Variants in ARHGAP35 observed in about 807,000 individuals in gnomAD.
ARHGAP35 encodes rho GTPase-activating protein 35.
ARHGAP35 carries 15 observed loss-of-function variants against 111.1 expected under a neutral mutation model. The observed-to-expected ratio is 0.13, with a 90% confidence interval of 0.09 to 0.21. The LOEUF is 0.21. Among genes scored for constraint, ARHGAP35 ranks in the 10% least tolerant of loss-of-function variants. The probability of loss-of-function intolerance (pLI) is 1.00; values close to 1 mark genes in which losing one functional copy is unlikely to be tolerated. For synonymous variants in ARHGAP35, 643 were observed against 710.3 expected (o/e 0.91, Z 1.51); for missense variants, 1,262 against 1,873.0 (o/e 0.67, Z 6.02).
intron 1 of ARHGAP35, among the ~76,000 whole-genome samples, chr19:46,916,568 A>G (rs1479517974): frequency 6.6e-6 from 1 of 152,206 alleles, no homozygotes; most frequent in Non-Finnish European, 1.5e-5. Context: ...CTGAGGACAC[A>G]GAATAGAACT....
At chr19:46,952,093 C>T (rs1440052781) in intron 3 of ARHGAP35, among the ~76,000 whole-genome samples, 1 of 152,052 alleles carries the variant, frequency 6.6e-6, no homozygotes, top group Non-Finnish European at 1.5e-5. Flanking sequence ...CACAAAGAAA[C>T]GATATATATT....
chr19:46,998,147 G>A (rs1276858810), intron 5 of ARHGAP35, among the ~76,000 whole-genome samples: 1 of 152,032 alleles, frequency 6.6e-6, no homozygotes, highest in Non-Finnish European at 1.5e-5. Context: ...GGTTCAGGGA[G>A]TCCGCACCCC....
chr19:46,989,739 G>T lies in ARHGAP35; in HGVS notation c.4036+64G>T. On this transcript the variant is annotated intron_variant, in intron 5 of 6. Coordinates refer to ENST00000672722, the MANE Select transcript of ARHGAP35 (RefSeq NM_004491.5). The surrounding 1 kb of genome is among the most constrained non-coding windows in gnomAD (Gnocchi z 5.3). The stretch of plus-strand genomic sequence containing the variant: ...GAAAGGGCTTGGCACTGGAAGAATA[G>T]GTCCTGCCCTCAGAATGGATGCTGG... 1 of 1,603,156 alleles carries T rather than the reference G, an allele frequency of 6.2e-7. No homozygotes were observed.
Position 46,919,708 on chromosome 19 carries a change from C to T in ARHGAP35, c.1033C>T (p.Pro345Ser). ...RRRKLYLAAL[P>S]LAFEALIPNL... ...GAGAAAGCTGTACCTGGCAGCCCTG[C>T]CATTAGCTTTTGAAGCTCTTATACC... The change falls in exon 2 of 7, where the codon CCA (proline) becomes TCA (serine). Residue 345 changes from proline (P) to serine (S), a missense_variant. Transcript: ENST00000672722. This position sits in a 1 kb window ranked among gnomAD's most constrained non-coding sequence, Gnocchi z 6.2. 6.2e-7 allele frequency: 1 copy of T among 1,613,968 alleles called. No homozygotes were observed. The highest frequency in any genetic ancestry group is 8.5e-7 in the Non-Finnish European group (1 of 1,179,888).
At position 47,000,237 on chromosome 19, in the gene ARHGAP35, A is replaced by G. The variant is rs958736963; in HGVS notation, c.4143-94A>G. 1 of 1,321,838 alleles carries G rather than the reference A, an allele frequency of 7.6e-7. No homozygotes were observed. The highest frequency in any genetic ancestry group is 1.0e-6 in the Non-Finnish European group (1 of 953,184). 81.9% of individuals were successfully genotyped at this position (1,321,838 alleles called of 1,614,324 possible). A position where few individuals can be genotyped will look rare whatever the true frequency, so the allele number is the denominator to read the frequency against. Reference sequence around the variant, plus strand: ...TTTTCTGCTCCACCTGAGGGAAGAAAGGTGGGCTCAGCCTGGGTGCTGAAG... The same window carrying G: ...TTTTCTGCTCCACCTGAGGGAAGAAGGGTGGGCTCAGCCTGGGTGCTGAAG... On this transcript the variant is annotated intron_variant, in intron 6 of 6. Transcript: ENST00000672722. The surrounding 1 kb of genome is among the most constrained non-coding windows in gnomAD (Gnocchi z 6.9).
intron 1 of ARHGAP35, among the ~76,000 whole-genome samples, chr19:46,875,953 T>A (rs779434353): frequency 6.6e-6 from 1 of 152,130 alleles, no homozygotes. Context: ...ATAGCAGTTG[T>A]CCACATTTGT....
chr19:46,881,841 T>C (rs1053361040), intron 1 of ARHGAP35, among the ~76,000 whole-genome samples: 7 of 152,178 alleles, frequency 4.6e-5, no homozygotes, highest in African/African-American at 1.2e-4. Context: ...CTGTTTTGTC[T>C]ATAGTAGCCA....
In ARHGAP35 at chr19:47,004,118, G is replaced by A. The variant is rs1389669827; in HGVS notation, c.*3430G>A. The A allele has an allele frequency of 6.6e-6, 1 of 151,666 alleles. No homozygotes were observed. The highest frequency in any genetic ancestry group is 1.5e-5 in the Non-Finnish European group (1 of 67,952). The allele number at this position is 151,666 out of a possible 1,614,324, so 9.4% of individuals were successfully genotyped here. A position where few individuals can be genotyped will look rare whatever the true frequency, so the allele number is the denominator to read the frequency against. On this transcript the variant is annotated 3_prime_UTR_variant, in exon 7 of 7. Transcript: ENST00000672722. ...GCCGCGCGGGGGGCTGGGTCTGGTT[G>A]AGTCGCTGCTTTCCCGAGGGCAGCG...
chr19:46,951,007 C>G (rs1176216272), intron 3 of ARHGAP35, among the ~76,000 whole-genome samples: 1 of 152,222 alleles, frequency 6.6e-6, no homozygotes, highest in Non-Finnish European at 1.5e-5. Flanking sequence ...AGTCCCTTTA[C>G]AGGGCGAATG....
In ARHGAP35 at chr19:46,868,893, A is replaced by ATTTT. The variant is rs59080309; in HGVS notation, c.-189+7710_-189+7713dup. Among the ~76,000 whole-genome samples the ATTTT allele has an allele frequency of 4.8e-3, 281 of 58,710 alleles. 64 individuals carry two copies. Among genetic ancestry groups the ATTTT allele is most frequent in the African/African-American group, 0.015 (199 of 13,254 alleles). 38.5% of individuals were successfully genotyped at this position (58,710 alleles called of 152,430 possible). A position where few individuals can be genotyped will look rare whatever the true frequency, so the allele number is the denominator to read the frequency against. The stretch of plus-strand genomic sequence containing the variant: ...AGTTATTTAGGTGGAGCTCACCGTG[A>ATTTT]TTTTTTTTTTTTTTTTTTTTTTTTT... On this transcript the variant is annotated intron_variant, in intron 1 of 6. Coordinates refer to ENST00000672722, the MANE Select transcript of ARHGAP35 (RefSeq NM_004491.5).
chr19:46,985,608 C>G (rs1487408220), intron 3 of ARHGAP35, among the ~76,000 whole-genome samples: 1 of 152,206 alleles, frequency 6.6e-6, no homozygotes, highest in Non-Finnish European at 1.5e-5. Context: ...GATTAAATGG[C>G]ATCATCGTTT....
chr19:46,915,997 G>A (rs575343665), intron 1 of ARHGAP35, among the ~76,000 whole-genome samples: 2 of 145,276 alleles, frequency 1.4e-5, no homozygotes, highest in East Asian at 2.0e-4. Context: ...GTGCAGTGGC[G>A]TGTCTCGGCT....
At chr19:46,942,744 G>A (rs544364921) in intron 3 of ARHGAP35, among the ~76,000 whole-genome samples, 1 of 145,052 alleles carries the variant, frequency 6.9e-6, no homozygotes, top group South Asian at 2.2e-4. Flanking sequence ...GAGCCCAGGA[G>A]TTCCAAGGCT....
intron 3 of ARHGAP35, among the ~76,000 whole-genome samples, chr19:46,981,794 T>TA (rs1387995643): frequency 2.6e-5 from 4 of 152,080 alleles, no homozygotes; most frequent in African/African-American, 9.7e-5. Flanking sequence ...GAGGGCCGTC[T>TA]AGTCTTCCTA....
chr19:46,869,259 G>A (rs1309977963), intron 1 of ARHGAP35, among the ~76,000 whole-genome samples: 1 of 151,852 alleles, frequency 6.6e-6, no homozygotes, highest in East Asian at 1.9e-4. Flanking sequence ...TAGTCTAAAA[G>A]TATGCTGGTT....
chr19:46,905,659 G>A (rs1481727410), intron 1 of ARHGAP35, among the ~76,000 whole-genome samples: 1 of 151,756 alleles, frequency 6.6e-6, no homozygotes, highest in African/African-American at 2.4e-5. Flanking sequence ...AAACGATTCT[G>A]GTGCCTCAGC....
chr19:46,933,165 A>G (rs2056283162), intron 2 of ARHGAP35, among the ~76,000 whole-genome samples: 1 of 119,784 alleles, frequency 8.3e-6, no homozygotes, highest in East Asian at 2.3e-4. Context: ...TTTTTCCGAG[A>G]CAGGGTCTCC....
At chr19:46,915,075 TAA>T (rs2056156326) in intron 1 of ARHGAP35, among the ~76,000 whole-genome samples, 1 of 152,232 alleles carries the variant, frequency 6.6e-6, no homozygotes, top group South Asian at 2.1e-4. Context: ...CTGTTCAACC[TAA>T]GTTTCTTCAT....
intron 5 of ARHGAP35, among the ~76,000 whole-genome samples, chr19:46,995,025 G>T (rs1368644165): frequency 6.6e-6 from 1 of 152,190 alleles, no homozygotes; most frequent in African/African-American, 2.4e-5. Context: ...CCTGTGCCTG[G>T]TTCCAACCAG....
Sources: gnomAD v4.1 joint callset for allele counts (sites outside exome capture counted in the v4.1 genomes callset) on GRCh38, gnomAD v4.1.1 for gene constraint, Gnocchi (gnomAD v3.1) non-coding constraint, MANE v1.5 for transcripts, NCBI Gene and HGNC (gene_info 2026-07-23, HGNC 2026-07-21) for gene names.